Variants in ANKS1B observed in about 807,000 individuals in gnomAD.
ANKS1B encodes ankyrin repeat and sterile alpha motif domain containing 1B, also known as ankyrin repeat and sterile alpha motif domain-containing protein 1B.
In ANKS1B, 36 loss-of-function variants were observed where a neutral mutation model predicts 148.3. The ratio of observed to expected loss-of-function variants is 0.24; its 90% CI spans 0.19 to 0.32. The LOEUF is 0.32. ANKS1B is among the 10% of genes least tolerant of loss of function. The pLI is 1.00. For missense variants in ANKS1B, 1,157 were observed against 1,542.6 expected, an observed-to-expected ratio of 0.75 and a Z score of 4.19; for synonymous variants, 542 against 560.8, an observed-to-expected ratio of 0.97 and a Z score of 0.47.
At chr12:98,796,120 A>T (rs533115198) in intron 22 of ANKS1B, among the ~76,000 whole-genome samples, 1 of 152,274 alleles carries the variant, frequency 6.6e-6, no homozygotes, top group East Asian at 1.9e-4. Context: ...AAATGTTCAC[A>T]TGTTGGTTTC....
intron 11 of ANKS1B, among the ~76,000 whole-genome samples, chr12:99,430,532 C>A (rs761875526): frequency 6.6e-6 from 1 of 152,130 alleles, no homozygotes; most frequent in Non-Finnish European, 1.5e-5. Flanking sequence ...TTAGGATGAA[C>A]TTCTATTCTC....
At chr12:99,813,767 T>C (rs1387656251) in intron 2 of ANKS1B, among the ~76,000 whole-genome samples, 1 of 151,696 alleles carries the variant, frequency 6.6e-6, no homozygotes, top group Non-Finnish European at 1.5e-5. Flanking sequence ...TTCTGAGAAA[T>C]TAAGAATTAA....
intron 9 of ANKS1B, among the ~76,000 whole-genome samples, chr12:99,558,748 G>A (rs527699423): frequency 6.6e-6 from 1 of 152,276 alleles, no homozygotes; most frequent in Non-Finnish European, 1.5e-5. Context: ...CCATCACATG[G>A]GAAAGACCAC....
chr12:98,924,693 T>C (rs939654936), intron 17 of ANKS1B, among the ~76,000 whole-genome samples: 7 of 152,220 alleles, frequency 4.6e-5, no homozygotes, highest in African/African-American at 1.7e-4. Context: ...GGTCTTATGG[T>C]GTCAGAAGAA....
chr12:98,979,511 T>C (rs1327749500), intron 17 of ANKS1B, among the ~76,000 whole-genome samples: 1 of 152,120 alleles, frequency 6.6e-6, no homozygotes, highest in Non-Finnish European at 1.5e-5. Flanking sequence ...GAACTCGTGA[T>C]CCACCCGCCT....
In ANKS1B at chr12:99,967,892, G is replaced by A. The variant is rs191165217; in HGVS notation, c.134+16212C>T. ...ACGGCACTCCAGCCTGGGCGACAAG[G>A]GCGAAACTCCGTCTCAAAAAAAAAA... On this transcript the variant is annotated intron_variant, in intron 1 of 26. Coordinates refer to ENST00000683438, the MANE Select transcript of ANKS1B (RefSeq NM_001352186.2). 2.4e-3 allele frequency among the ~76,000 whole-genome samples: 343 copies of A among 145,014 alleles called. 1 individual carries two copies. The Middle Eastern group carries it at 0.024, about 10-fold the overall frequency.
intron 4 of ANKS1B, among the ~76,000 whole-genome samples, chr12:99,793,707 C>T (rs948883624): frequency 2.0e-5 from 3 of 152,160 alleles, no homozygotes; most frequent in Non-Finnish European, 4.4e-5. Flanking sequence ...AGGCTTCAAA[C>T]TCTGAAACTG....
At chr12:98,791,395 G>A (rs1353752744) in intron 22 of ANKS1B, among the ~76,000 whole-genome samples, 1 of 151,976 alleles carries the variant, frequency 6.6e-6, no homozygotes, top group African/African-American at 2.4e-5. Context: ...TCAGCAATAA[G>A]GAGTTACCTA....
chr12:99,199,556 C>T (rs1177411562), intron 14 of ANKS1B, among the ~76,000 whole-genome samples: 1 of 152,108 alleles, frequency 6.6e-6, no homozygotes, highest in African/African-American at 2.4e-5. Context: ...ATTTCCTCCT[C>T]CCTTGTGTCT....
At chr12:98,890,495 G>A (rs1331295019) in intron 17 of ANKS1B, among the ~76,000 whole-genome samples, 2 of 152,162 alleles carry the variant, frequency 1.3e-5, no homozygotes, top group African/African-American at 2.4e-5. Flanking sequence ...TGAAGATAAA[G>A]AGAACTGGCT....
intron 1 of ANKS1B, among the ~76,000 whole-genome samples, chr12:99,904,018 T>C (rs1849402176): frequency 6.6e-6 from 1 of 152,172 alleles, no homozygotes; most frequent in South Asian, 2.1e-4. Flanking sequence ...CTGTGTTGGA[T>C]AGCACTACCA....
chr12:99,077,687 T>C (rs897353990), intron 16 of ANKS1B, among the ~76,000 whole-genome samples: 12 of 152,206 alleles, frequency 7.9e-5, no homozygotes, highest in African/African-American at 2.7e-4. Flanking sequence ...TAGAGAGCAC[T>C]AGCGTCTTTA....
intron 8 of ANKS1B, among the ~76,000 whole-genome samples, chr12:99,721,741 T>G (rs1320382140): frequency 6.6e-6 from 1 of 152,192 alleles, no homozygotes; most frequent in Non-Finnish European, 1.5e-5. Context: ...CGCATGAAAC[T>G]TGGTGAAGTA....
At chr12:99,201,877 G>A (rs2082108139) in intron 14 of ANKS1B, among the ~76,000 whole-genome samples, 2 of 152,120 alleles carry the variant, frequency 1.3e-5, no homozygotes, top group South Asian at 4.1e-4. Flanking sequence ...CTTTTTAAGA[G>A]CTACTGTGTA....
In ANKS1B at chr12:99,302,378, G is replaced by T. The variant is rs2081765532; in HGVS notation, c.1757-55514C>A. Among the ~76,000 whole-genome samples, 3 of 151,988 alleles carry T rather than the reference G, an allele frequency of 2.0e-5. No homozygotes were observed. The South Asian group carries it at 6.2e-4, about 31-fold the overall frequency. ...ATTACACAAAAGAATGTATCCATTT[G>T]CCTTAAAACAAAACAACAGTAGCAT... On this transcript the variant is annotated intron_variant, in intron 12 of 26. Coordinates refer to ENST00000683438, the MANE Select transcript of ANKS1B (RefSeq NM_001352186.2).
chr12:99,337,312 G>A (rs567474837), intron 12 of ANKS1B, among the ~76,000 whole-genome samples: 6 of 151,948 alleles, frequency 3.9e-5, no homozygotes, highest in African/African-American at 1.4e-4. Flanking sequence ...TATGTCAACT[G>A]AATTTTTCTG....
intron 9 of ANKS1B, among the ~76,000 whole-genome samples, chr12:99,643,338 T>C (rs2098328780): frequency 6.6e-6 from 1 of 152,200 alleles, no homozygotes; most frequent in South Asian, 2.1e-4. Flanking sequence ...GAATAAAAAG[T>C]TATTCGCTCC....
chr12:99,259,367 G>GC (rs1298732328), intron 12 of ANKS1B, among the ~76,000 whole-genome samples: 3 of 152,194 alleles, frequency 2.0e-5, no homozygotes, highest in Non-Finnish European at 4.4e-5. Context: ...CTTAAGACCG[G>GC]CAGCTGCCTT....
At chr12:99,219,364 CA>C (rs957915966) in intron 14 of ANKS1B, among the ~76,000 whole-genome samples, 10 of 151,898 alleles carry the variant, frequency 6.6e-5, no homozygotes, top group African/African-American at 9.7e-5. Flanking sequence ...ATATGATTAT[CA>C]AAAAAGATAA....
Sources: gnomAD v4.1 joint callset for allele counts (sites outside exome capture counted in the v4.1 genomes callset) on GRCh38, gnomAD v4.1.1 for gene constraint, MANE v1.5 for transcripts, NCBI Gene and HGNC (gene_info 2026-07-23, HGNC 2026-07-21) for gene names.